EIF3L: variants seen among roughly 807,000 people sequenced by gnomAD.
The protein encoded by EIF3L is eIEF associated protein HSPC021.
In EIF3L, 32 loss-of-function variants were observed where a neutral mutation model predicts 74.6. That is an observed-to-expected ratio of 0.43 (90% CI 0.32 to 0.58). EIF3L has a LOEUF of 0.58. EIF3L is among the 20% of genes least tolerant of loss of function. EIF3L has a pLI of 0.06. For missense variants in EIF3L, 474 were observed against 707.8 expected (o/e 0.67, Z 3.75); for synonymous variants, 256 against 254.4 (o/e 1.01, Z -0.06).
intron 2 of EIF3L, chr22:37,850,386 T>G (rs952415029): frequency 3.6e-6 from 1 of 277,964 alleles, no homozygotes; most frequent in Non-Finnish European, 7.1e-6. Flanking sequence ...CAGGCTGGAG[T>G]GCAGTGGTGC....
rs1463765686 is a variant in EIF3L at position 37,888,447 on chromosome 22, A to G, written c.1678A>G (p.Met560Val). The G allele has an allele frequency of 6.2e-7, 1 of 1,613,834 alleles. No individual in the cohort carries two copies. ...FEELNRTLKK[M>V]GQRP Reference sequence around the variant, plus strand: ...CTAGCTTAATCGAACCCTGAAGAAGATGGGACAGAGACCTTGATGATATTC... The same window carrying G: ...CTAGCTTAATCGAACCCTGAAGAAGGTGGGACAGAGACCTTGATGATATTC... The change falls in exon 13 of 13, where the codon ATG becomes GTG. Residue 560 changes from methionine (M) to valine (V), a missense_variant. By Grantham distance (21) the Met-to-Val change is conservative. This residue lies in a region of EIF3L where 293 missense variants were observed against 469.1 expected (regional missense o/e 0.62). Transcript: ENST00000652021.
intron 7 of EIF3L, among the ~76,000 whole-genome samples, chr22:37,867,973 AAAAG>A (rs1031721661): frequency 1.2e-4 from 18 of 151,464 alleles, no homozygotes; most frequent in South Asian, 4.2e-4. Context: ...AAAAAAAAGA[AAAAG>A]AAAAAAAAAT....
intron 5 of EIF3L, among the ~76,000 whole-genome samples, chr22:37,859,618 G>A (rs997215025): frequency 5.9e-5 from 9 of 151,526 alleles, no homozygotes; most frequent in Non-Finnish European, 8.8e-5. Context: ...TCCTGACCTC[G>A]TGTTCCGCCC....
In EIF3L at chr22:37,858,396, T is replaced by C. The variant is rs536097433; in HGVS notation, c.374-283T>C. Among the ~76,000 whole-genome samples the C allele has an allele frequency of 2.6e-5, 4 of 151,826 alleles. No homozygotes were observed. The East Asian group carries it at 7.8e-4, about 30-fold the overall frequency. On this transcript the variant is annotated intron_variant, in intron 4 of 12. Coordinates refer to ENST00000652021, the MANE Select transcript of EIF3L (RefSeq NM_016091.4). ...CGCACCACCACGCTTGTCTAATTAC[T>C]CTTGTGTGCTGGTTTTTTTATGCAC...
intron 5 of EIF3L, among the ~76,000 whole-genome samples, chr22:37,860,893 C>G (rs539425074): frequency 1.3e-5 from 2 of 152,300 alleles, no homozygotes; most frequent in Admixed American, 6.5e-5. Context: ...ATCACACTTA[C>G]TAATTCCAGG....
chr22:37,872,284 C>T (rs1399580343), intron 8 of EIF3L, among the ~76,000 whole-genome samples: 6 of 152,020 alleles, frequency 3.9e-5, no homozygotes, highest in African/African-American at 9.7e-5. Context: ...GCCACCACGC[C>T]GGGCTGATTT....
intron 5 of EIF3L, among the ~76,000 whole-genome samples, chr22:37,860,231 T>C (rs1186075196): frequency 1.3e-5 from 2 of 152,242 alleles, no homozygotes; most frequent in African/African-American, 4.8e-5. Flanking sequence ...CAATAAATGC[T>C]ACCGTTTATT....
At chr22:37,884,443 T>G (rs1927217193) in intron 11 of EIF3L, 1 of 152,168 alleles carries the variant, frequency 6.6e-6, no homozygotes, top group Admixed American at 6.6e-5. Context: ...TATCTAGTTG[T>G]GGAATTTCTA....
intron 7 of EIF3L, 146 bp from the exon 8 acceptor site, chr22:37,870,030 C>T (rs1213705040): frequency 3.2e-5 from 19 of 586,448 alleles, no homozygotes; most frequent in Non-Finnish European, 4.1e-5. Context: ...AAACAGTGTA[C>T]GGAATGGTTT....
intron 11 of EIF3L, chr22:37,883,941 TGAATGAA>T (rs1601785405): frequency 6.6e-6 from 1 of 152,164 alleles, no homozygotes; most frequent in African/African-American, 2.4e-5. Flanking sequence ...AATGAATGAA[TGAATGAA>T]GAATTCAGTG....
At chr22:37,859,944 G>A (rs1203626660) in intron 5 of EIF3L, among the ~76,000 whole-genome samples, 3 of 152,004 alleles carry the variant, frequency 2.0e-5, no homozygotes, top group East Asian at 1.9e-4. Flanking sequence ...CCCGGGAAGC[G>A]GAGGTTGCAG....
At chr22:37,857,962 G>A (rs1032740701) in intron 4 of EIF3L, among the ~76,000 whole-genome samples, 2 of 152,002 alleles carry the variant, frequency 1.3e-5, no homozygotes, top group African/African-American at 4.8e-5. Context: ...TTGAGGCTGG[G>A]AGATTTAGAC....
intron 11 of EIF3L, chr22:37,881,390 T>A (rs1339250349): frequency 6.6e-6 from 1 of 152,024 alleles, no homozygotes; most frequent in African/African-American, 2.4e-5. Flanking sequence ...GCTGATGAGC[T>A]GATGAGGTTT....
chr22:37,853,979 C>T (rs1318921457), intron 3 of EIF3L, among the ~76,000 whole-genome samples: 1 of 152,182 alleles, frequency 6.6e-6, no homozygotes, highest in African/African-American at 2.4e-5. Flanking sequence ...TAACTCTTTG[C>T]TTATATAGTA....
At chr22:37,860,920 C>G (rs569931819) in intron 5 of EIF3L, among the ~76,000 whole-genome samples, 2 of 152,274 alleles carry the variant, frequency 1.3e-5, no homozygotes, top group African/African-American at 4.8e-5. Context: ...CCCTGTTTCC[C>G]TTCTCACTCA....
chr22:37,868,703 T>C (rs1377054188), intron 7 of EIF3L, among the ~76,000 whole-genome samples: 2 of 119,416 alleles, frequency 1.7e-5, no homozygotes, highest in Non-Finnish European at 3.4e-5. Flanking sequence ...AGTGCAATGG[T>C]GCGATCTTGG....
At position 37,888,483 on chromosome 22, in the gene EIF3L, A is replaced by G. The variant is rs556025940; in HGVS notation, c.*19A>G. Reference sequence around the variant, plus strand: ...ACCTTGATGATATTCACACACATTCAGGAACCTGTTTTGATGTATTATAGG... The same window carrying G: ...ACCTTGATGATATTCACACACATTCGGGAACCTGTTTTGATGTATTATAGG... On this transcript the variant is annotated 3_prime_UTR_variant, in exon 13 of 13. Transcript: ENST00000652021. The G allele has an allele frequency of 3.7e-6, 6 of 1,612,928 alleles. No individual in the cohort carries two copies. The highest frequency in any genetic ancestry group is 5.1e-6 in the Non-Finnish European group (6 of 1,179,842).
intron 1 of EIF3L, 166 bp from the exon 2 acceptor site, chr22:37,849,849 C>T: frequency 1.4e-6 from 1 of 715,700 alleles, no homozygotes; most frequent in Non-Finnish European, 2.4e-6. Flanking sequence ...TTGTCATTGT[C>T]TGTTTACTGT....
chr22:37,876,185 A>C (rs899425446), intron 10 of EIF3L, 174 bp downstream of exon 10: 6 of 637,038 alleles, frequency 9.4e-6, no homozygotes, highest in Non-Finnish European at 1.6e-5. Context: ...GCTGGAGTGC[A>C]GTGACGCAGT....
Sources: gnomAD v4.1 joint callset for allele counts (sites outside exome capture counted in the v4.1 genomes callset) on GRCh38, gnomAD v4.1.1 for gene constraint, gnomAD v4.1.1 regional missense constraint, MANE v1.5 for transcripts, NCBI Gene and HGNC (gene_info 2026-07-23, HGNC 2026-07-21) for gene names.